Variants in MIGA2 observed in about 807,000 individuals in gnomAD.
MIGA2 encodes the protein family with sequence similarity 73, member B.
A neutral mutation model predicts 69.9 loss-of-function variants in MIGA2; 36 were observed. The observed-to-expected ratio is 0.52, with a 90% CI of 0.39 to 0.68. The LOEUF (loss-of-function observed/expected upper bound fraction) is 0.68, where lower values mean the gene tolerates loss of function less well. Among genes scored for constraint, MIGA2 ranks in the 30% least tolerant of loss-of-function variants. MIGA2 has a pLI of 0.00. For synonymous variants in MIGA2, 333 were observed against 349.2 expected (o/e 0.95, Z 0.52); for missense variants, 660 against 787.7 (o/e 0.84, Z 1.94).
chr9:129,043,253 A>G (rs1352662103), intron 3 of MIGA2, among the ~76,000 whole-genome samples: 1 of 152,142 alleles, frequency 6.6e-6, no homozygotes, highest in Non-Finnish European at 1.5e-5. Flanking sequence ...TTTTTAGCAT[A>G]CTATTCTGTG....
At position 129,048,559 on chromosome 9, in the gene MIGA2, G is replaced by A. The variant is rs771041297; in HGVS notation, c.420+20G>A. 2.5e-5 allele frequency: 40 copies of A among 1,589,662 alleles called. No individual in the cohort carries two copies. Among genetic ancestry groups the A allele is most frequent in the Non-Finnish European group, 3.5e-5 (40 of 1,158,028 alleles). Reference sequence around the variant, plus strand: ...GCCTCGGTGAGCAGCAGGTGCCAGGGCTCCAGGGCTCCAGGTCCGGGCTTA... The same window carrying A: ...GCCTCGGTGAGCAGCAGGTGCCAGGACTCCAGGGCTCCAGGTCCGGGCTTA... On this transcript the variant is annotated intron_variant, in intron 4 of 15. Transcript: ENST00000684074.
intron 5 of MIGA2, 31 bp from the exon 6 acceptor site, chr9:129,049,796 G>T: frequency 6.2e-7 from 1 of 1,613,398 alleles, no homozygotes; most frequent in Non-Finnish European, 8.5e-7. Context: ...TGGAGGTGCT[G>T]ACCCACGCTT....
chr9:129,050,666 G>A (rs1175681629), intron 6 of MIGA2, among the ~76,000 whole-genome samples: 1 of 151,018 alleles, frequency 6.6e-6, no homozygotes, highest in African/African-American at 2.4e-5. Flanking sequence ...CCGCCTCCTG[G>A]GTTCAAGTGA....
chr9:129,064,704 C>T (rs1024942262), intron 11 of MIGA2, among the ~76,000 whole-genome samples: 2 of 151,978 alleles, frequency 1.3e-5, no homozygotes, highest in African/African-American at 2.4e-5. Flanking sequence ...GAAGGGCCTG[C>T]TTCTAGTGCA....
In MIGA2 at chr9:129,049,517, T is replaced by C; in HGVS notation, c.538+19T>C. ...ATGCAAGGTGTGGCCAGGAGGTGCCTCAGCTTCGAGGGCAGGGTGGGTGGC... is the reference window on the plus strand; with the variant it reads ...ATGCAAGGTGTGGCCAGGAGGTGCCCCAGCTTCGAGGGCAGGGTGGGTGGC... On this transcript the variant is annotated intron_variant, in intron 5 of 15. Coordinates refer to ENST00000684074, the MANE Select transcript of MIGA2 (RefSeq NM_001329990.2). 1 of 1,609,186 alleles carries C rather than the reference T, an allele frequency of 6.2e-7. No homozygotes were observed. Among genetic ancestry groups the C allele is most frequent in the Non-Finnish European group, 8.5e-7 (1 of 1,176,646 alleles).
chr9:129,050,649 G>A (rs955890898), intron 6 of MIGA2, among the ~76,000 whole-genome samples: 2 of 148,116 alleles, frequency 1.4e-5, no homozygotes, highest in African/African-American at 5.0e-5. Context: ...TTGGCTCTCC[G>A]TAACCTCCGC....
In MIGA2 at chr9:129,068,339, C is replaced by CACTG. The variant is rs768155370; in HGVS notation, c.1404+8_1404+11dup. On this transcript the variant is annotated splice_region_variant and intron_variant, in intron 13 of 15. Transcript: ENST00000684074. The surrounding 1 kb of genome is among the most constrained non-coding windows in gnomAD (Gnocchi z 4.1). ...AGACAGCTTCAAGGAGACGGTGGGTCACTGCCCTGCTCTCAGACCCACACT... is the reference window on the plus strand; with the variant it reads ...AGACAGCTTCAAGGAGACGGTGGGTCACTGACTGCCCTGCTCTCAGACCCACACT... 1 of 1,600,994 alleles carries CACTG rather than the reference C, an allele frequency of 6.2e-7. No homozygotes were observed. Among genetic ancestry groups the CACTG allele is most frequent in the Non-Finnish European group, 8.5e-7 (1 of 1,178,236 alleles).
In MIGA2 at chr9:129,068,764, T is replaced by G; in HGVS notation, c.1405-312T>G. The G allele has an allele frequency of 2.3e-6, 1 of 442,560 alleles. No individual in the cohort carries two copies. Among genetic ancestry groups the G allele is most frequent in the Admixed American group, 3.7e-5 (1 of 26,850 alleles). The allele number at this position is 442,560 out of a possible 1,614,324, so 27.4% of individuals were successfully genotyped here. On this transcript the variant is annotated intron_variant, in intron 13 of 15. Transcript: ENST00000684074. This position sits in a 1 kb window ranked among gnomAD's most constrained non-coding sequence, Gnocchi z 4.1. The stretch of plus-strand genomic sequence containing the variant: ...TGCCTGGGCCCAGGCTTCTGCGAGG[T>G]GGTTTACAGGCGGGAACCATTGCTC...
chr9:129,058,389 C>T (rs909004005), intron 6 of MIGA2, among the ~76,000 whole-genome samples: 5 of 138,822 alleles, frequency 3.6e-5, no homozygotes, highest in African/African-American at 1.4e-4. Context: ...GGTGACAGAA[C>T]GAGACCTTGT....
At chr9:129,051,001 G>A (rs1752691413) in intron 6 of MIGA2, among the ~76,000 whole-genome samples, 1 of 151,762 alleles carries the variant, frequency 6.6e-6, no homozygotes, top group Non-Finnish European at 1.5e-5. Flanking sequence ...AGCCTCCCAA[G>A]TAGCTGGGAT....
At chr9:129,064,972 A>G (rs1163192551) in intron 11 of MIGA2, among the ~76,000 whole-genome samples, 1 of 151,790 alleles carries the variant, frequency 6.6e-6, no homozygotes, top group Admixed American at 6.6e-5. Flanking sequence ...TCATAGAGAC[A>G]GGGTTTTGCT....
chr9:129,067,636 T>A, intron 11 of MIGA2, 137 bp from the exon 12 acceptor site: 1 of 744,212 alleles, frequency 1.3e-6, no homozygotes, highest in South Asian at 1.8e-5. Flanking sequence ...TAGGAGACAC[T>A]TCTCTGCCAC....
intron 11 of MIGA2, among the ~76,000 whole-genome samples, chr9:129,064,858 C>T (rs1341856845): frequency 6.6e-6 from 1 of 151,774 alleles, no homozygotes; most frequent in Admixed American, 6.6e-5. Flanking sequence ...TCTCCGCTCA[C>T]CGCAACCTCC....
At chr9:129,036,945 C>T in intron 1 of MIGA2, 3 of 1,002,902 alleles carry the variant, frequency 3.0e-6, no homozygotes, top group East Asian at 1.1e-4. Flanking sequence ...GGTACCCGAT[C>T]CGAGGCGGGG....
chr9:129,064,328 T>A (rs1324142284), intron 11 of MIGA2, among the ~76,000 whole-genome samples: 1 of 151,846 alleles, frequency 6.6e-6, no homozygotes, highest in Non-Finnish European at 1.5e-5. Context: ...TGCCTCAGCC[T>A]CCCGAGTAGC....
Position 129,042,359 on chromosome 9 carries a change from CGGCCCTGGGGACTGTGGCCCT to C in MIGA2, c.161_181del (p.Gly54_Leu60del). The C allele has an allele frequency of 6.2e-7, 1 of 1,613,480 alleles. No individual in the cohort carries two copies. Among genetic ancestry groups the C allele is most frequent in the South Asian group, 1.1e-5 (1 of 91,054 alleles). On this transcript the variant is annotated inframe_deletion, in exon 3 of 16. Coordinates refer to ENST00000684074, the MANE Select transcript of MIGA2 (RefSeq NM_001329990.2). Reference sequence around the variant, plus strand: ...GGCCTGCGGAAAGTCCTCTTTGCCACGGCCCTGGGGACTGTGGCCCTGGCCCTGGCTGCCCACCAGCTGAAG... The same window carrying C: ...GGCCTGCGGAAAGTCCTCTTTGCCACGGCCCTGGCTGCCCACCAGCTGAAG...
chr9:129,070,032 C>T lies in MIGA2; in HGVS notation c.1575+67C>T, dbSNP rs987753276. On this transcript the variant is annotated intron_variant, in intron 15 of 15. Coordinates refer to ENST00000684074, the MANE Select transcript of MIGA2 (RefSeq NM_001329990.2). Reference sequence around the variant, plus strand: ...TGAGCACAGGCGCCCTGGGAGGTGCCAGGAATGGGATGAGGGCCTGGGCCT... The same window carrying T: ...TGAGCACAGGCGCCCTGGGAGGTGCTAGGAATGGGATGAGGGCCTGGGCCT... The T allele has an allele frequency of 1.7e-5, 24 of 1,384,904 alleles. No homozygotes were observed. In the African/African-American group the frequency reaches 2.9e-4, roughly 17 times the overall value. 85.8% of individuals were successfully genotyped at this position (1,384,904 alleles called of 1,614,324 possible).
chr9:129,043,942 C>G (rs929392433), intron 3 of MIGA2, among the ~76,000 whole-genome samples: 1 of 151,920 alleles, frequency 6.6e-6, no homozygotes, highest in East Asian at 1.9e-4. Flanking sequence ...ACTCGTGATC[C>G]GCCTGCCTCG....
At chr9:129,054,556 A>G (rs1845702515) in intron 6 of MIGA2, among the ~76,000 whole-genome samples, 1 of 152,056 alleles carries the variant, frequency 6.6e-6, no homozygotes, top group Non-Finnish European at 1.5e-5. Flanking sequence ...CCACAAATCT[A>G]TTTTCTCTAC....
Sources: allele counts gnomAD v4.1 joint callset (sites outside exome capture counted in the v4.1 genomes callset), GRCh38; gene constraint gnomAD v4.1.1; non-coding constraint Gnocchi (gnomAD v3.1); transcripts MANE v1.5; gene names NCBI Gene and HGNC (gene_info 2026-07-23, HGNC 2026-07-21).